Variants in EDIL3 observed in about 807,000 individuals in gnomAD.
The protein encoded by EDIL3 is EGF like and discoidin domains 3.
A neutral mutation model predicts 67.4 loss-of-function variants in EDIL3; 37 were observed. The observed-to-expected ratio is 0.55, with a 90% CI of 0.42 to 0.72. The LOEUF (loss-of-function observed/expected upper bound fraction) is 0.72, where lower values mean the gene tolerates loss of function less well. Among genes scored for constraint, EDIL3 ranks in the 30% least tolerant of loss-of-function variants. EDIL3 has a pLI of 0.00. For missense variants in EDIL3, 527 were observed against 586.3 expected (o/e 0.90, Z 1.04); for synonymous variants, 195 against 196.3 (o/e 0.99, Z 0.05).
At chr5:84,212,552 A>G (rs190745946) in intron 3 of EDIL3, among the ~76,000 whole-genome samples, 8 of 152,312 alleles carry the variant, frequency 5.3e-5, no homozygotes, top group Admixed American at 1.3e-4. Flanking sequence ...CCACAGAAAA[A>G]CATTCCTAAC....
At chr5:84,158,922 A>G (rs1343752221) in intron 4 of EDIL3, among the ~76,000 whole-genome samples, 1 of 151,812 alleles carries the variant, frequency 6.6e-6, no homozygotes, top group Non-Finnish European at 1.5e-5. Flanking sequence ...ATCATACTCT[A>G]CTCCTCCAAA....
intron 1 of EDIL3, among the ~76,000 whole-genome samples, chr5:84,383,597 A>G (rs1748138846): frequency 6.6e-6 from 1 of 151,976 alleles, no homozygotes; most frequent in African/African-American, 2.4e-5. Context: ...ATTCCCCATT[A>G]CCAAGAGTTA....
chr5:84,066,654 A>T (rs747554903), intron 6 of EDIL3, 48 bp from the exon 7 acceptor site: 1 of 1,569,792 alleles, frequency 6.4e-7, no homozygotes, highest in South Asian at 1.2e-5. Flanking sequence ...TTTCAGGATA[A>T]CAATACTGAA....
At chr5:84,145,943 T>C (rs1222917189) in intron 4 of EDIL3, among the ~76,000 whole-genome samples, 1 of 152,130 alleles carries the variant, frequency 6.6e-6, no homozygotes, top group Admixed American at 6.6e-5. Flanking sequence ...TTACATTTTG[T>C]ATATTCAGCA....
chr5:84,305,505 A>C (rs1746246847), intron 1 of EDIL3, among the ~76,000 whole-genome samples: 5 of 152,320 alleles, frequency 3.3e-5, no homozygotes, highest in Admixed American at 3.3e-4. Context: ...GTTTTCTCTA[A>C]AGCTCTCAGC....
At chr5:84,105,888 C>A (rs1167500400) in intron 6 of EDIL3, among the ~76,000 whole-genome samples, 2 of 152,038 alleles carry the variant, frequency 1.3e-5, no homozygotes, top group African/African-American at 4.8e-5. Flanking sequence ...TTAATGAATT[C>A]TTCCTCTGAC....
At chr5:84,073,209 G>A (rs888213287) in intron 6 of EDIL3, among the ~76,000 whole-genome samples, 27 of 152,034 alleles carry the variant, frequency 1.8e-4, no homozygotes, top group Admixed American at 9.2e-4. Context: ...AAATAATAAG[G>A]GCTATCTATG....
intron 1 of EDIL3, among the ~76,000 whole-genome samples, chr5:84,334,526 G>A (rs1746946486): frequency 6.6e-6 from 1 of 152,146 alleles, no homozygotes; most frequent in Admixed American, 6.5e-5. Context: ...ACTTTTCAGT[G>A]TTTGGCTTTC....
intron 2 of EDIL3, among the ~76,000 whole-genome samples, chr5:84,246,736 T>A (rs1436469440): frequency 2.6e-5 from 4 of 152,186 alleles, no homozygotes; most frequent in Admixed American, 2.0e-4. Flanking sequence ...TTTGATGTTA[T>A]ACATTTTTTT....
At chr5:84,357,310 C>T (rs2112197039) in intron 1 of EDIL3, among the ~76,000 whole-genome samples, 1 of 152,180 alleles carries the variant, frequency 6.6e-6, no homozygotes, top group East Asian at 1.9e-4. Flanking sequence ...CATTGTACTA[C>T]CTGTGGTCCA....
At position 84,066,500 on chromosome 5, in the gene EDIL3, T is replaced by G. The variant is rs1215123972; in HGVS notation, c.758A>C (p.Asp253Ala). 6.2e-7 allele frequency: 1 copy of G among 1,613,468 alleles called. No individual in the cohort carries two copies. The highest frequency in any genetic ancestry group is 1.1e-5 in the South Asian group (1 of 90,926). Residue 253 changes from aspartate to alanine, a missense_variant, in exon 7 of 11, where the codon GAT becomes GCT. Asp to Ala is a moderately radical substitution (Grantham distance 126, BLOSUM62 -2). Coordinates refer to ENST00000296591, the MANE Select transcript of EDIL3 (RefSeq NM_005711.5). ...IKSYKIAYSN[D>A]GKTWAMYKVK... ...TTTGTACATTGCCCAAGTCTTTCCATCATTACTGTAGGCAATTTTGTAGGA... is the reference window on the plus strand; with the variant it reads ...TTTGTACATTGCCCAAGTCTTTCCAGCATTACTGTAGGCAATTTTGTAGGA...
intron 10 of EDIL3, among the ~76,000 whole-genome samples, chr5:83,956,366 T>C (rs1029830561): frequency 6.6e-6 from 1 of 151,724 alleles, no homozygotes; most frequent in Admixed American, 6.6e-5. Context: ...GCATCCATTT[T>C]TTTCTGTCTT....
intron 10 of EDIL3, among the ~76,000 whole-genome samples, chr5:83,961,149 G>GA (rs1054816228): frequency 6.0e-5 from 9 of 150,998 alleles, no homozygotes; most frequent in Non-Finnish European, 5.9e-5. Context: ...ATTTTCTAAT[G>GA]AAAAAGGGTT....
In EDIL3 at chr5:84,160,806, TTTCCTTTCCTTTC is replaced by T. The variant is rs1327597698; in HGVS notation, c.355+19574_355+19586del. Among the ~76,000 whole-genome samples, 406 of 128,552 alleles carry T rather than the reference TTTCCTTTCCTTTC, an allele frequency of 3.2e-3. 6 individuals carry two copies. Among genetic ancestry groups the T allele is most frequent in the African/African-American group, 0.013 (388 of 29,912 alleles). The allele number at this position is 128,552 out of a possible 152,430, so 84.3% of individuals were successfully genotyped here. On this transcript the variant is annotated intron_variant, in intron 4 of 10. Coordinates refer to ENST00000296591, the MANE Select transcript of EDIL3 (RefSeq NM_005711.5). The stretch of plus-strand genomic sequence containing the variant: ...TTTCCTTTCCTTTCCTTTCCTTTCC[TTTCCTTTCCTTTC>T]CCTTTCCTTTTCCTTTCCTTTTCCT...
intron 2 of EDIL3, 152 bp from the exon 3 acceptor site, chr5:84,230,036 AT>A: frequency 1.6e-6 from 1 of 637,372 alleles, no homozygotes; most frequent in Non-Finnish European, 2.6e-6. Context: ...CTGACTTGTA[AT>A]TTTGTGTATA....
chr5:84,070,264 G>T (rs576434414), intron 6 of EDIL3, among the ~76,000 whole-genome samples: 1 of 152,176 alleles, frequency 6.6e-6, no homozygotes, highest in South Asian at 2.1e-4. Context: ...TTGTGACAAG[G>T]TAGAAGGTCT....
Position 84,375,262 on chromosome 5 carries a change from G to A in EDIL3, c.67+9046C>T, listed in dbSNP as rs186877657. ...TGGGATTACAGGCATGTGCCACTGC[G>A]CCCAGCCTTCGAGTATTTCTTTATA... On this transcript the variant is annotated intron_variant, in intron 1 of 10. Transcript: ENST00000296591. Among the ~76,000 whole-genome samples the A allele has an allele frequency of 1.1e-4, 17 of 152,180 alleles. No homozygotes were observed. The East Asian group carries it at 2.1e-3, about 19-fold the overall frequency.
intron 9 of EDIL3, among the ~76,000 whole-genome samples, chr5:84,017,552 A>T (rs754957975): frequency 2.6e-5 from 4 of 152,204 alleles, no homozygotes; most frequent in Non-Finnish European, 5.9e-5. Context: ...GTAAGAATAG[A>T]AACACAAATT....
chr5:84,233,656 G>C (rs529984064), intron 2 of EDIL3, among the ~76,000 whole-genome samples: 7 of 152,136 alleles, frequency 4.6e-5, no homozygotes, highest in African/African-American at 7.2e-5. Context: ...TATTGGCCTA[G>C]ATATAGGCAT....
Sources: gnomAD v4.1 joint callset for allele counts (sites outside exome capture counted in the v4.1 genomes callset) on GRCh38, gnomAD v4.1.1 for gene constraint, MANE v1.5 for transcripts, NCBI Gene and HGNC (gene_info 2026-07-23, HGNC 2026-07-21) for gene names.